FOSL1: variants seen among roughly 807,000 people sequenced by gnomAD.
FOSL1 encodes FOS like 1, AP-1 transcription factor subunit.
FOSL1 carries 14 observed loss-of-function variants against 24.9 expected under a neutral mutation model. That is an observed-to-expected ratio of 0.56 (90% confidence interval 0.37 to 0.88). The LOEUF (loss-of-function observed/expected upper bound fraction) is 0.88, where lower values mean the gene tolerates loss of function less well. Ranked by LOEUF, FOSL1 falls within the 40% of genes least tolerant of loss-of-function variation. The pLI is 0.00. For missense variants in FOSL1, 318 were observed against 359.8 expected, an observed-to-expected ratio of 0.88 and a Z score of 0.94; for synonymous variants, 133 against 145.1, an observed-to-expected ratio of 0.92 and a Z score of 0.60.
At chr11:65,899,601 G>A (rs1860620166) in intron 1 of FOSL1, among the ~76,000 whole-genome samples, 1 of 152,246 alleles carries the variant, frequency 6.6e-6, no homozygotes, top group Non-Finnish European at 1.5e-5. Flanking sequence ...GAACCTCGAG[G>A]TCTCTATTCG....
intron 1 of FOSL1, among the ~76,000 whole-genome samples, chr11:65,899,321 G>A (rs908019139): frequency 6.6e-6 from 1 of 152,214 alleles, no homozygotes; most frequent in Non-Finnish European, 1.5e-5. Context: ...CCGAGGCACC[G>A]CCGGCGGCAT....
intron 3 of FOSL1, 105 bp from the exon 4 acceptor site, chr11:65,893,401 A>AGC (rs1860444377): frequency 2.4e-6 from 1 of 412,094 alleles, no homozygotes; most frequent in African/African-American, 2.2e-5. Context: ...GCGGGGGGAG[A>AGC]GGGGGGGCAG....
At chr11:65,898,257 T>A (rs1201663416) in intron 1 of FOSL1, among the ~76,000 whole-genome samples, 1 of 152,082 alleles carries the variant, frequency 6.6e-6, no homozygotes, top group Non-Finnish European at 1.5e-5. Flanking sequence ...GCCAGGCTGG[T>A]CTTGAACTCC....
At chr11:65,897,592 G>A (rs1012974800) in intron 1 of FOSL1, among the ~76,000 whole-genome samples, 1 of 151,916 alleles carries the variant, frequency 6.6e-6, no homozygotes, top group African/African-American at 2.4e-5. Context: ...CACCCGCCTC[G>A]GCCTCCCAAA....
chr11:65,894,015 G>A lies in FOSL1; in HGVS notation c.404C>T (p.Ala135Val), dbSNP rs767326258. The A allele has an allele frequency of 3.8e-6, 6 of 1,580,650 alleles. No homozygotes were observed. Among genetic ancestry groups the A allele is most frequent in the African/African-American group, 2.7e-5 (2 of 74,474 alleles). Residue 135 changes from alanine (A) to valine (V), a missense_variant and splice_region_variant, in exon 3 of 4, where the codon GCG becomes GTG. Ala to Val is a moderately conservative substitution (Grantham distance 64, BLOSUM62 0). Coordinates refer to ENST00000312562, the MANE Select transcript of FOSL1 (RefSeq NM_005438.5). ...RRKELTDFLQ[A>V]ETDKLEDEKS... ...CGGTGGACCAGGGCTGGTGCTCACCGCCTGCAGGAAGTCGGTCAGTTCCTT... is the reference window on the plus strand; with the variant it reads ...CGGTGGACCAGGGCTGGTGCTCACCACCTGCAGGAAGTCGGTCAGTTCCTT...
intron 1 of FOSL1, among the ~76,000 whole-genome samples, chr11:65,897,853 A>G (rs1439121674): frequency 6.6e-6 from 1 of 150,572 alleles, no homozygotes; most frequent in South Asian, 2.1e-4. Context: ...GAGGCAGGAA[A>G]GAGTCACTGC....
chr11:65,892,633 C>T lies in FOSL1; in HGVS notation c.*253G>A, dbSNP rs182954794. 4.4e-4 allele frequency: 294 copies of T among 672,256 alleles called. 1 individual carries two copies. In the Admixed American group the frequency reaches 5.9e-3, roughly 14 times the overall value. The allele number at this position is 672,256 out of a possible 1,614,324, so 41.6% of individuals were successfully genotyped here. On this transcript the variant is annotated 3_prime_UTR_variant, in exon 4 of 4. Transcript: ENST00000312562. Reference sequence around the variant, plus strand: ...CTGGGCTGCCAGGATTCCTCTGGCACAAATGGGAAATATTTTGTCTCTGAT... The same window carrying T: ...CTGGGCTGCCAGGATTCCTCTGGCATAAATGGGAAATATTTTGTCTCTGAT...
rs368497099 is a variant in FOSL1 at position 65,894,093 on chromosome 11, C to T, written c.326G>A (p.Arg109Gln). The change falls in exon 3 of 4, where the codon CGA becomes CAA. Residue 109 changes from arginine to glutamine, a missense_variant. Coordinates refer to ENST00000312562, the MANE Select transcript of FOSL1 (RefSeq NM_005438.5). ...CAGCTTGTTCCGCTCGCGCCTTACTCGGCGGCGCTCCTCTTCCTCCGGGCT... is the reference window on the plus strand; with the variant it reads ...CAGCTTGTTCCGCTCGCGCCTTACTTGGCGGCGCTCCTCTTCCTCCGGGCT... ...QISPEEEERR[R>Q]VRRERNKLAA... 16 of 1,609,038 alleles carry T rather than the reference C, an allele frequency of 9.9e-6. No individual in the cohort carries two copies. Among genetic ancestry groups the T allele is most frequent in the Admixed American group, 3.3e-5 (2 of 59,890 alleles).
chr11:65,896,522 C>T (rs1227204339), intron 2 of FOSL1, among the ~76,000 whole-genome samples: 1 of 152,162 alleles, frequency 6.6e-6, no homozygotes, highest in Non-Finnish European at 1.5e-5. Flanking sequence ...GCTCCTGCCA[C>T]CCCCGCTACC....
At chr11:65,895,120 ATTCT>A (rs1177249789) in intron 2 of FOSL1, among the ~76,000 whole-genome samples, 1 of 83,446 alleles carries the variant, frequency 1.2e-5, no homozygotes, top group African/African-American at 4.3e-5. Flanking sequence ...AAAAACATAG[ATTCT>A]TTTTTTTTTT....
chr11:65,897,913 G>C (rs1860568218), intron 1 of FOSL1, among the ~76,000 whole-genome samples: 1 of 149,816 alleles, frequency 6.7e-6, no homozygotes, highest in African/African-American at 2.5e-5. Flanking sequence ...TCTTGAGACA[G>C]GGTCTCACTC....
At position 65,892,907 on chromosome 11, in the gene FOSL1, A is replaced by G. The variant is rs142119979; in HGVS notation, c.795T>C (p.Ser265=). The G allele has an allele frequency of 1.9e-4, 305 of 1,611,790 alleles. 1 individual carries two copies. The African/African-American group carries it at 3.8e-3, about 20-fold the overall frequency. The change falls in exon 4 of 4, where the codon TCT becomes TCC. Residue 265 remains serine (S), a synonymous_variant. Transcript: ENST00000312562. ...SGDPSSDPLG[S]PTLLAL ...CGCCTCACAAAGCGAGGAGGGTTGG[A>G]GAGCCAAGGGGGTCAGAGGATGGGT...
chr11:65,897,963 C>T (rs1860570040), intron 1 of FOSL1, among the ~76,000 whole-genome samples: 1 of 149,414 alleles, frequency 6.7e-6, no homozygotes. Context: ...CGGGCTCAAG[C>T]AATCCTCCCA....
chr11:65,898,056 T>C (rs1860575943), intron 1 of FOSL1, among the ~76,000 whole-genome samples: 1 of 142,770 alleles, frequency 7.0e-6, no homozygotes, highest in African/African-American at 2.6e-5. Flanking sequence ...TTTTTTTTTT[T>C]TTGAGACACA....
At chr11:65,897,887 CT>C (rs527532473) in intron 1 of FOSL1, among the ~76,000 whole-genome samples, 8,030 of 137,000 alleles carry the variant, frequency 0.059, 490 homozygotes, top group African/African-American at 0.17. Context: ...CATTCCATTG[CT>C]TTTTTTTTTT....
Position 65,892,868 on chromosome 11 carries a change from G to C in FOSL1, c.*18C>G. 1 of 1,607,864 alleles carries C rather than the reference G, an allele frequency of 6.2e-7. No individual in the cohort carries two copies. The highest frequency in any genetic ancestry group is 8.5e-7 in the Non-Finnish European group (1 of 1,178,374). ...CATTGGCTAGGGTGGCATCTGCAGGGAGTAGGGCTCAGGCGCCTCACAAAG... is the reference window on the plus strand; with the variant it reads ...CATTGGCTAGGGTGGCATCTGCAGGCAGTAGGGCTCAGGCGCCTCACAAAG... On this transcript the variant is annotated 3_prime_UTR_variant, in exon 4 of 4. Coordinates refer to ENST00000312562, the MANE Select transcript of FOSL1 (RefSeq NM_005438.5).
chr11:65,895,557 TGA>T (rs1860506856), intron 2 of FOSL1, among the ~76,000 whole-genome samples: 1 of 152,160 alleles, frequency 6.6e-6, no homozygotes, highest in South Asian at 2.1e-4. Flanking sequence ...ACAGGCCAGA[TGA>T]GAGAGACCAT....
intron 1 of FOSL1, among the ~76,000 whole-genome samples, chr11:65,898,043 C>CTTTTTTTTTTT (rs1565290153): frequency 3.4e-4 from 27 of 79,658 alleles, no homozygotes; most frequent in African/African-American, 9.5e-4. Context: ...TTTTTCTTTT[C>CTTTTTTTTTTT]TGTTTTTTTT....
rs543925907 is a variant in FOSL1, at chr11:65,892,354, G to T, written c.*532C>A. 1.4e-5 allele frequency: 4 copies of T among 287,468 alleles called. No individual in the cohort carries two copies. The highest frequency in any genetic ancestry group is 1.2e-4 in the South Asian group (4 of 34,368). The allele number at this position is 287,468 out of a possible 1,614,324, so 17.8% of individuals were successfully genotyped here. On this transcript the variant is annotated 3_prime_UTR_variant, in exon 4 of 4. Transcript: ENST00000312562. ...TGAAGGCTTCTCAAAGCTGAGATCC[G>T]CAGATCAGCTCATCACAGAAGCCAA...
Sources: allele counts gnomAD v4.1 joint callset (sites outside exome capture counted in the v4.1 genomes callset), GRCh38; gene constraint gnomAD v4.1.1; transcripts MANE v1.5; gene names NCBI Gene and HGNC (gene_info 2026-07-23, HGNC 2026-07-21).